SLC7A5: variants seen among roughly 807,000 people sequenced by gnomAD.
SLC7A5 encodes the protein large neutral amino acids transporter small subunit 1.
A neutral mutation model predicts 50.2 loss-of-function variants in SLC7A5; 23 were observed. That is an observed-to-expected ratio of 0.46 (90% CI 0.33 to 0.65). The LOEUF (loss-of-function observed/expected upper bound fraction) is 0.65, where lower values mean the gene tolerates loss of function less well. Ranked by LOEUF, SLC7A5 falls within the 30% of genes least tolerant of loss-of-function variation. SLC7A5 has a pLI of 0.02. For missense variants in SLC7A5, 578 were observed against 684.4 expected (o/e 0.84, Z 1.73); for synonymous variants, 393 against 330.6 (o/e 1.19, Z -2.05).
intron 7 of SLC7A5, among the ~76,000 whole-genome samples, chr16:87,837,175 C>T (rs1328567520): frequency 6.6e-6 from 1 of 152,220 alleles, no homozygotes; most frequent in African/African-American, 2.4e-5. Flanking sequence ...GGCCAGCCCA[C>T]AGCTGCCAGA....
At chr16:87,864,305 T>C (rs1298014416) in intron 1 of SLC7A5, among the ~76,000 whole-genome samples, 1 of 151,744 alleles carries the variant, frequency 6.6e-6, no homozygotes, top group East Asian at 1.9e-4. Context: ...AATAAATAAA[T>C]AAATAAATAA....
chr16:87,835,676 G>A (rs528896458), intron 8 of SLC7A5, among the ~76,000 whole-genome samples: 34 of 152,188 alleles, frequency 2.2e-4, no homozygotes, highest in South Asian at 1.2e-3. Flanking sequence ...GGGTTTCACC[G>A]TGTTAGCCAG....
intron 1 of SLC7A5, among the ~76,000 whole-genome samples, chr16:87,868,606 A>G (rs34466668): frequency 0.36 from 55,295 of 152,006 alleles, 10,896 homozygotes; most frequent in African/African-American, 0.51. Context: ...GCACTTGCCT[A>G]AACCGCTTAA....
chr16:87,841,771 C>A lies in SLC7A5; in HGVS notation c.665-616G>T, dbSNP rs933404303. ...AACGATCCCCGTGCTGTGTGCAGAG[C>A]TCTCTCCTTTGCCCTCTGAGGACAC... On this transcript the variant is annotated intron_variant, in intron 2 of 9. Transcript: ENST00000261622. The surrounding 1 kb of genome is among the most constrained non-coding windows in gnomAD (Gnocchi z 4.8). Among the ~76,000 whole-genome samples, 11 of 152,258 alleles carry A rather than the reference C, an allele frequency of 7.2e-5. No homozygotes were observed. Among genetic ancestry groups the A allele is most frequent in the African/African-American group, 2.7e-4 (11 of 41,474 alleles).
intron 1 of SLC7A5, among the ~76,000 whole-genome samples, chr16:87,855,980 C>T (rs1018513134): frequency 5.3e-5 from 8 of 152,300 alleles, no homozygotes; most frequent in African/African-American, 1.7e-4. Context: ...TGCCCCCGAG[C>T]CAGGCACAGC....
In SLC7A5 at chr16:87,833,318, C is replaced by T. The variant is rs1404177384; in HGVS notation, c.1469-293G>A. ...GCCCCTGGGGCACACGAACCAGGCC[C>T]TGGTGTCTCAGCAAAGTGCAACGGG... On this transcript the variant is annotated intron_variant, in intron 9 of 9. Coordinates refer to ENST00000261622, the MANE Select transcript of SLC7A5 (RefSeq NM_003486.7). The surrounding 1 kb of genome is among the most constrained non-coding windows in gnomAD (Gnocchi z 6.0). Among the ~76,000 whole-genome samples, 1 of 152,262 alleles carries T rather than the reference C, an allele frequency of 6.6e-6. No individual in the cohort carries two copies. The highest frequency in any genetic ancestry group is 2.4e-5 in the African/African-American group (1 of 41,470).
chr16:87,868,925 C>A lies in SLC7A5; in HGVS notation c.498G>T (p.Val166=). ...CCACGAGCTTGGCTGCCTCCTCGGG[C>A]ACCGGGCAGGTGGGGAAGAGCGGCT... The part of the protein sequence containing the change: ...LLKPLFPTCP[V]PEEAAKLVAC... Residue 166 remains valine (V), a synonymous_variant, in exon 1 of 10, where the codon GTG becomes GTT. Transcript: ENST00000261622. The A allele has an allele frequency of 6.2e-7, 1 of 1,610,042 alleles. No homozygotes were observed. Among genetic ancestry groups the A allele is most frequent in the Non-Finnish European group, 8.5e-7 (1 of 1,179,228 alleles).
Position 87,833,697 on chromosome 16 carries a change from G to C in SLC7A5, c.1469-672C>G, listed in dbSNP as rs768718323. Among the ~76,000 whole-genome samples the C allele has an allele frequency of 2.4e-4, 36 of 152,148 alleles. No homozygotes were observed. Among genetic ancestry groups the C allele is most frequent in the Non-Finnish European group, 3.8e-4 (26 of 68,008 alleles). Reference sequence around the variant, plus strand: ...TCCCGGGAATTCTCCAAGCCACCCAGTGACATGGGGATCAGCATGTAGGCC... The same window carrying C: ...TCCCGGGAATTCTCCAAGCCACCCACTGACATGGGGATCAGCATGTAGGCC... On this transcript the variant is annotated intron_variant, in intron 9 of 9. Transcript: ENST00000261622. The surrounding 1 kb of genome is among the most constrained non-coding windows in gnomAD (Gnocchi z 6.0).
chr16:87,840,279 G>T, intron 4 of SLC7A5, 150 bp downstream of exon 4: 1 of 735,110 alleles, frequency 1.4e-6, no homozygotes, highest in Non-Finnish European at 2.4e-6. Context: ...GAAGCCACCC[G>T]CCCCACATCC....
chr16:87,842,584 C>T (rs920500291), intron 2 of SLC7A5, among the ~76,000 whole-genome samples: 3 of 152,234 alleles, frequency 2.0e-5, no homozygotes, highest in African/African-American at 4.8e-5. Context: ...CCGTGGCGTG[C>T]TGGATGCCTG....
intron 1 of SLC7A5, among the ~76,000 whole-genome samples, chr16:87,864,657 G>A (rs2055439253): frequency 6.6e-6 from 1 of 152,224 alleles, no homozygotes; most frequent in Admixed American, 6.5e-5. Flanking sequence ...ATTCTGCTCT[G>A]CCAGTCCAGC....
At chr16:87,838,881 T>TA in intron 5 of SLC7A5, 64 bp from the exon 6 acceptor site, 2 of 1,232,006 alleles carry the variant, frequency 1.6e-6, no homozygotes, top group Non-Finnish European at 2.4e-6. Flanking sequence ...CTGTGCTCAC[T>TA]GGGAGCCCTC....
Position 87,861,739 on chromosome 16 carries a change from G to C in SLC7A5, c.538+7146C>G, listed in dbSNP as rs998564718. Among the ~76,000 whole-genome samples, 1 of 152,182 alleles carries C rather than the reference G, an allele frequency of 6.6e-6. No homozygotes were observed. The highest frequency in any genetic ancestry group is 2.4e-5 in the African/African-American group (1 of 41,450). On this transcript the variant is annotated intron_variant, in intron 1 of 9. Coordinates refer to ENST00000261622, the MANE Select transcript of SLC7A5 (RefSeq NM_003486.7). This position sits in a 1 kb window ranked among gnomAD's most constrained non-coding sequence, Gnocchi z 4.2. ...TTCTGGGCAAGATTCTGCACATTCT[G>C]CTGGATTATGAAAGAGGTCTGTGAC... is the stretch of plus-strand genomic sequence containing the variant.
chr16:87,834,943 G>T (rs1315061579), intron 8 of SLC7A5, among the ~76,000 whole-genome samples: 1 of 152,234 alleles, frequency 6.6e-6, no homozygotes, highest in African/African-American at 2.4e-5. Flanking sequence ...ATGCTTCCAG[G>T]AGACAGTGGC....
intron 2 of SLC7A5, among the ~76,000 whole-genome samples, chr16:87,849,999 G>T (rs1352364654): frequency 6.6e-6 from 1 of 152,176 alleles, no homozygotes; most frequent in African/African-American, 2.4e-5. Context: ...AGACAGTCTG[G>T]CCCCAGCCCC....
chr16:87,834,642 C>G (rs1448526831), intron 8 of SLC7A5, 51 bp from the exon 9 acceptor site: 2 of 1,547,388 alleles, frequency 1.3e-6, no homozygotes, highest in African/African-American at 2.7e-5. Flanking sequence ...CAGCCTCCCT[C>G]CCCCATGCCC....
At chr16:87,864,966 T>A (rs1326871035) in intron 1 of SLC7A5, among the ~76,000 whole-genome samples, 1 of 152,244 alleles carries the variant, frequency 6.6e-6, no homozygotes. Flanking sequence ...CAGCCAGAGC[T>A]AATTACCGAA....
In SLC7A5 at chr16:87,839,857, C is replaced by A. The variant is rs373301769; in HGVS notation, c.816-32G>T. ...AGAACAGGGACGACATGTCACCCAA[C>A]GCAGCCCGGGCTGAAGGCCAAACCC... On this transcript the variant is annotated intron_variant, in intron 4 of 9. Transcript: ENST00000261622. 706 of 1,612,848 alleles carry A rather than the reference C, an allele frequency of 4.4e-4. 11 individuals are homozygous for A. In the South Asian group the frequency reaches 7.4e-3, roughly 17 times the overall value.
Position 87,841,346 on chromosome 16 carries a change from G to A in SLC7A5, c.665-191C>T, listed in dbSNP as rs942100685. ...GCAGGGTTCCAACCACAACCAGGGG[G>A]ATGTGGCCCTGCCAGAGGCCCTGTG... On this transcript the variant is annotated intron_variant, in intron 2 of 9. Transcript: ENST00000261622. This position sits in a 1 kb window ranked among gnomAD's most constrained non-coding sequence, Gnocchi z 4.8. Among the ~76,000 whole-genome samples the A allele has an allele frequency of 1.3e-5, 2 of 152,300 alleles. No homozygotes were observed. The highest frequency in any genetic ancestry group is 1.9e-4 in the East Asian group (1 of 5,170).
Sources: gnomAD v4.1 joint callset for allele counts (sites outside exome capture counted in the v4.1 genomes callset) on GRCh38, gnomAD v4.1.1 for gene constraint, Gnocchi (gnomAD v3.1) non-coding constraint, MANE v1.5 for transcripts, NCBI Gene and HGNC (gene_info 2026-07-23, HGNC 2026-07-21) for gene names.